The following LINC00305 variants were observed in gnomAD, a reference collection of about 807,000 sequenced individuals.
LINC00305 encodes the protein long intergenic non-protein coding RNA 305.
At chr18:64,094,161 G>A (rs1321242959) in intron 3 of LINC00305, among the ~76,000 whole-genome samples, 1 of 152,084 alleles carries the variant, frequency 6.6e-6, no homozygotes, top group Non-Finnish European at 1.5e-5. Flanking sequence ...CAAAATGATA[G>A]CAAACTAAAA....
chr18:64,130,582 T>C (rs1257513601), intron 1 of LINC00305, among the ~76,000 whole-genome samples: 1 of 152,294 alleles, frequency 6.6e-6, no homozygotes, highest in East Asian at 1.9e-4. Context: ...GATCGATAAG[T>C]AAACTTTTTT....
At chr18:64,145,166 T>C (rs968071146) in intron 1 of LINC00305, among the ~76,000 whole-genome samples, 4 of 152,222 alleles carry the variant, frequency 2.6e-5, no homozygotes, top group East Asian at 1.9e-4. Flanking sequence ...TCATAGATTA[T>C]GGAAAGACTG....
chr18:64,133,506 A>G (rs551545438), intron 1 of LINC00305, among the ~76,000 whole-genome samples: 2 of 152,286 alleles, frequency 1.3e-5, no homozygotes, highest in Admixed American at 1.3e-4. Context: ...CATTAAAGTC[A>G]CCTACAGAAT....
chr18:64,139,150 A>G (rs1421002055), intron 1 of LINC00305, among the ~76,000 whole-genome samples: 2 of 152,230 alleles, frequency 1.3e-5, no homozygotes, highest in Non-Finnish European at 2.9e-5. Flanking sequence ...CAAGTCTGAA[A>G]TACTTTTTAG....
chr18:64,082,727 G>A (rs2051189813), intron 3 of LINC00305, among the ~76,000 whole-genome samples: 1 of 152,028 alleles, frequency 6.6e-6, no homozygotes, highest in South Asian at 2.1e-4. Context: ...TTTCTTTAAT[G>A]CTCTGTTTTT....
rs141663546 is a variant in LINC00305 at position 64,091,896 on chromosome 18, T to C, written n.540+5938A>G. 5.3e-4 allele frequency among the ~76,000 whole-genome samples: 81 copies of C among 152,334 alleles called. No individual in the cohort carries two copies. The East Asian group carries it at 0.014, about 26-fold the overall frequency. ...AAAAGCTTGCATAATCTGTGCTATATTGAAAGGGCTTTTTAAATTATTTAA... is the reference window on the plus strand; with the variant it reads ...AAAAGCTTGCATAATCTGTGCTATACTGAAAGGGCTTTTTAAATTATTTAA... On this transcript the variant is annotated intron_variant and non_coding_transcript_variant, in intron 3 of 3. Coordinates refer to ENST00000666468, the Ensembl canonical transcript of LINC00305.
intron 1 of LINC00305, chr18:64,139,363 C>G (rs183217508): frequency 6.6e-6 from 1 of 152,142 alleles, no homozygotes; most frequent in East Asian, 1.9e-4. Context: ...CTGTAGGAAA[C>G]GGGTACTAGG....
chr18:64,129,811 A>T (rs1456395076), intron 1 of LINC00305, among the ~76,000 whole-genome samples: 2 of 152,098 alleles, frequency 1.3e-5, no homozygotes, highest in Non-Finnish European at 2.9e-5. Context: ...GCCATTTCAC[A>T]TGAACATGTT....
intron 1 of LINC00305, among the ~76,000 whole-genome samples, chr18:64,122,407 G>C (rs1283727350): frequency 6.6e-6 from 1 of 151,876 alleles, no homozygotes; most frequent in Non-Finnish European, 1.5e-5. Context: ...TGCATATGAT[G>C]ATCCAATTTT....
chr18:64,099,824 T>A (rs2051261134), intron 1 of LINC00305, among the ~76,000 whole-genome samples: 1 of 152,162 alleles, frequency 6.6e-6, no homozygotes, highest in Admixed American at 6.6e-5. Context: ...CTTGATATGT[T>A]CTACATGGCA....
chr18:64,098,917 A>G (rs886073699), intron 1 of LINC00305, among the ~76,000 whole-genome samples: 2 of 152,206 alleles, frequency 1.3e-5, no homozygotes, highest in African/African-American at 4.8e-5. Context: ...GACAAGGAGC[A>G]TTGAAGTTTC....
chr18:64,087,201 T>C (rs1001292940), intron 3 of LINC00305, among the ~76,000 whole-genome samples: 1 of 152,236 alleles, frequency 6.6e-6, no homozygotes, highest in Non-Finnish European at 1.5e-5. Context: ...AAATGAATCC[T>C]GAAAAACTGT....
intron 1 of LINC00305, among the ~76,000 whole-genome samples, chr18:64,099,893 C>A (rs2850688): frequency 6.6e-6 from 1 of 152,064 alleles, no homozygotes; most frequent in Non-Finnish European, 1.5e-5. Context: ...TGTTAACATA[C>A]ATACAGCTTT....
At chr18:64,109,896 C>T (rs975318507) in intron 1 of LINC00305, among the ~76,000 whole-genome samples, 6 of 152,194 alleles carry the variant, frequency 3.9e-5, no homozygotes, top group African/African-American at 9.7e-5. Context: ...GCCTGTGGGC[C>T]GCACGTGGCC....
At chr18:64,128,845 G>A (rs1352162970) in intron 1 of LINC00305, among the ~76,000 whole-genome samples, 1 of 152,102 alleles carries the variant, frequency 6.6e-6, no homozygotes, top group African/African-American at 2.4e-5. Flanking sequence ...CCCTGACACA[G>A]CAAGATTCTT....
At chr18:64,143,566 A>G (rs202058393) in intron 1 of LINC00305, among the ~76,000 whole-genome samples, 2,416 of 35,334 alleles carry the variant, frequency 0.068, 195 homozygotes, top group Non-Finnish European at 0.1. Flanking sequence ...GTGTACATAT[A>G]TACACATATG....
intron 3 of LINC00305, among the ~76,000 whole-genome samples, chr18:64,083,890 C>T (rs1036478143): frequency 4.6e-5 from 7 of 152,164 alleles, no homozygotes; most frequent in African/African-American, 1.4e-4. Context: ...ATGTCATTAC[C>T]TAAGAAGAAA....
intron 1 of LINC00305, among the ~76,000 whole-genome samples, chr18:64,143,554 A>G (rs1421757772): frequency 4.1e-5 from 1 of 24,630 alleles, no homozygotes; most frequent in Non-Finnish European, 8.6e-5. Flanking sequence ...TACACATATT[A>G]TGTGTACATA....
At chr18:64,142,566 G>A (rs1177578535) in intron 1 of LINC00305, among the ~76,000 whole-genome samples, 6 of 152,162 alleles carry the variant, frequency 3.9e-5, no homozygotes, top group Non-Finnish European at 8.8e-5. Flanking sequence ...AATTAGTGTT[G>A]CAGGGACCCC....
Sources: gnomAD v4.1 joint callset for allele counts (sites outside exome capture counted in the v4.1 genomes callset) on GRCh38, gnomAD v4.1.1 for gene constraint, MANE v1.5 for transcripts, NCBI Gene and HGNC (gene_info 2026-07-23, HGNC 2026-07-21) for gene names.